Variants in CADM1 observed in about 807,000 individuals in gnomAD.
CADM1 encodes TSLC-1.
A neutral mutation model predicts 53.1 loss-of-function variants in CADM1; 15 were observed. The ratio of observed to expected loss-of-function variants is 0.28; its 90% CI spans 0.19 to 0.44. The LOEUF (loss-of-function observed/expected upper bound fraction) is 0.44, where lower values mean the gene tolerates loss of function less well. Ranked by LOEUF, CADM1 falls within the 20% of genes least tolerant of loss-of-function variation. The pLI is 1.00. For synonymous variants in CADM1, 281 were observed against 243.0 expected (o/e 1.16, Z -1.45); for missense variants, 434 against 611.3 (o/e 0.71, Z 3.06).
intron 1 of CADM1, among the ~76,000 whole-genome samples, chr11:115,463,791 T>G (rs1948841635): frequency 6.7e-6 from 1 of 149,970 alleles, no homozygotes; most frequent in African/African-American, 2.5e-5. Context: ...ATAAGACCAG[T>G]AAAATGTCAC....
intron 1 of CADM1, among the ~76,000 whole-genome samples, chr11:115,432,527 G>C (rs757859841): frequency 4.3e-4 from 65 of 152,136 alleles, no homozygotes; most frequent in Non-Finnish European, 6.8e-4. Context: ...GTAGACTGCT[G>C]ATCAATAAGT....
intron 1 of CADM1, among the ~76,000 whole-genome samples, chr11:115,411,273 T>C (rs572874361): frequency 1.3e-5 from 2 of 152,326 alleles, no homozygotes; most frequent in African/African-American, 4.8e-5. Context: ...ACAAACTGTT[T>C]GTGTCAAGAA....
intron 9 of CADM1, among the ~76,000 whole-genome samples, chr11:115,193,527 C>T (rs377426089): frequency 2.6e-5 from 4 of 152,104 alleles, no homozygotes; most frequent in East Asian, 1.9e-4. Flanking sequence ...ATGCTTTTGC[C>T]GTTGTGATTC....
intron 1 of CADM1, among the ~76,000 whole-genome samples, chr11:115,486,039 C>A (rs1057298826): frequency 1.3e-5 from 2 of 151,912 alleles, no homozygotes; most frequent in African/African-American, 4.8e-5. Context: ...TCAAAGCACA[C>A]CTTCATTTCT....
intron 1 of CADM1, among the ~76,000 whole-genome samples, chr11:115,284,114 C>CTCTCTCTCTCTCTCTG (rs1351842329): frequency 1.1e-3 from 106 of 98,674 alleles, no homozygotes; most frequent in South Asian, 1.6e-3. Flanking sequence ...CTCTCTCTCT[C>CTCTCTCTCTCTCTCTG]TGTGTGTGTG....
In CADM1 at chr11:115,192,732, A is replaced by T. The variant is rs182004724; in HGVS notation, c.1112-1791T>A. ...GAAGGCTTATTTCCTCGGGGAGGGCATTAGAAAGCTAATTAAAAAACCCAA... is the reference window on the plus strand; with the variant it reads ...GAAGGCTTATTTCCTCGGGGAGGGCTTTAGAAAGCTAATTAAAAAACCCAA... On this transcript the variant is annotated intron_variant, in intron 9 of 11. Coordinates refer to ENST00000331581, the MANE Select transcript of CADM1 (RefSeq NM_001301043.2). Among the ~76,000 whole-genome samples, 670 of 152,328 alleles carry T rather than the reference A, an allele frequency of 4.4e-3. 6 individuals are homozygous for T. Among genetic ancestry groups the T allele is most frequent in the African/African-American group, 0.013 (552 of 41,576 alleles).
chr11:115,450,239 G>A (rs558846863), intron 1 of CADM1, among the ~76,000 whole-genome samples: 1 of 152,262 alleles, frequency 6.6e-6, no homozygotes, highest in South Asian at 2.1e-4. Context: ...ACTGACAAGA[G>A]CACCAATCAT....
chr11:115,414,512 A>T (rs567454553), intron 1 of CADM1, among the ~76,000 whole-genome samples: 7 of 152,290 alleles, frequency 4.6e-5, no homozygotes, highest in South Asian at 4.1e-4. Context: ...TCTTAAAAAA[A>T]AATAATAAAT....
intron 10 of CADM1, among the ~76,000 whole-genome samples, chr11:115,185,609 C>T (rs1470759136): frequency 4.6e-5 from 7 of 152,138 alleles, no homozygotes; most frequent in Non-Finnish European, 5.9e-5. Flanking sequence ...ATGACTTGAT[C>T]CAACAGGATG....
chr11:115,250,050 G>A (rs903298386), intron 1 of CADM1, among the ~76,000 whole-genome samples: 11 of 151,970 alleles, frequency 7.2e-5, no homozygotes, highest in South Asian at 2.1e-4. Flanking sequence ...GACTACAGGC[G>A]CCCGCCACCA....
At chr11:115,247,600 T>C (rs1260485881) in intron 1 of CADM1, among the ~76,000 whole-genome samples, 2 of 152,186 alleles carry the variant, frequency 1.3e-5, no homozygotes, top group African/African-American at 2.4e-5. Context: ...GAAGGGAGAA[T>C]AGCCAAGAAT....
intron 1 of CADM1, among the ~76,000 whole-genome samples, chr11:115,252,989 G>T (rs980008715): frequency 6.6e-6 from 1 of 152,264 alleles, no homozygotes; most frequent in South Asian, 2.1e-4. Context: ...TAAGCCGGGG[G>T]TGTCCAATCT....
At chr11:115,370,710 G>A (rs1029920875) in intron 1 of CADM1, among the ~76,000 whole-genome samples, 10 of 152,082 alleles carry the variant, frequency 6.6e-5, no homozygotes, top group African/African-American at 2.4e-4. Context: ...TAATATGGCA[G>A]CCCAAGCAGA....
chr11:115,188,461 C>A (rs1188346437), intron 10 of CADM1, among the ~76,000 whole-genome samples: 1 of 152,100 alleles, frequency 6.6e-6, no homozygotes, highest in Admixed American at 6.5e-5. Flanking sequence ...GAATGGAGCA[C>A]CATATGTTGC....
In CADM1 at chr11:115,173,641, A is replaced by AT. The variant is rs5794958; in HGVS notation, c.*2832dup. The AT allele has an allele frequency of 0.2, 67,504 of 334,474 alleles. 7,407 individuals are homozygous for AT. The highest frequency in any genetic ancestry group is 0.3 in the South Asian group (2,441 of 8,164). 20.7% of individuals were successfully genotyped at this position (334,474 alleles called of 1,614,324 possible). On this transcript the variant is annotated 3_prime_UTR_variant, in exon 12 of 12. Transcript: ENST00000331581. ...ATTAAAGGATCACTTTGTAACATTA[A>AT]TTTTTTTTTATTAAGAAGACAGATA...
At chr11:115,216,194 TAAGTA>T (rs1941175137) in intron 6 of CADM1, among the ~76,000 whole-genome samples, 1 of 152,154 alleles carries the variant, frequency 6.6e-6, no homozygotes, top group Non-Finnish European at 1.5e-5. Flanking sequence ...AGAAAATAAA[TAAGTA>T]ACATGCTAGA....
intron 1 of CADM1, among the ~76,000 whole-genome samples, chr11:115,474,230 G>A (rs1949077519): frequency 7.1e-6 from 1 of 141,650 alleles, no homozygotes; most frequent in Admixed American, 7.5e-5. Flanking sequence ...GGCAGAGCTT[G>A]CAGTGAGCTG....
intron 1 of CADM1, among the ~76,000 whole-genome samples, chr11:115,269,899 G>A (rs182309853): frequency 6.4e-4 from 98 of 152,220 alleles, no homozygotes; most frequent in African/African-American, 2.3e-3. Context: ...TCTCTACTCC[G>A]GTGTCTTAGG....
At chr11:115,262,056 G>A (rs1457229324) in intron 1 of CADM1, among the ~76,000 whole-genome samples, 2 of 151,960 alleles carry the variant, frequency 1.3e-5, no homozygotes, top group Non-Finnish European at 2.9e-5. Flanking sequence ...TGGGATTACA[G>A]GCGTGAGCCA....
Sources: gnomAD v4.1 joint callset for allele counts (sites outside exome capture counted in the v4.1 genomes callset) on GRCh38, gnomAD v4.1.1 for gene constraint, MANE v1.5 for transcripts, NCBI Gene and HGNC (gene_info 2026-07-23, HGNC 2026-07-21) for gene names.